The following IMPG1 variants were observed in gnomAD, a reference collection of about 807,000 sequenced individuals.
IMPG1 encodes interphotoreceptor matrix proteoglycan of 150 kDa.
Under a neutral mutation model 92.0 loss-of-function variants are expected in IMPG1, and 85 were observed. The observed-to-expected ratio is 0.92, with a 90% CI of 0.78 to 1.11. IMPG1 has a LOEUF of 1.11. Among genes scored for constraint, IMPG1 ranks in the 50% least tolerant of loss-of-function variants. The pLI is 0.00. For synonymous variants in IMPG1, 367 were observed against 334.1 expected (o/e 1.10, Z -1.08); for missense variants, 1,022 against 956.0 (o/e 1.07, Z -0.91).
chr6:75,945,006 T>C (rs997774003), intron 14 of IMPG1, among the ~76,000 whole-genome samples: 1 of 152,218 alleles, frequency 6.6e-6, no homozygotes, highest in Non-Finnish European at 1.5e-5. Context: ...AGCATAAATG[T>C]GACTCTGCTG....
At chr6:76,059,205 T>A (rs1784165746) in intron 1 of IMPG1, among the ~76,000 whole-genome samples, 1 of 151,056 alleles carries the variant, frequency 6.6e-6, no homozygotes, top group African/African-American at 2.4e-5. Flanking sequence ...GTGGAGGGAG[T>A]GATATTTTTG....
chr6:75,929,992 A>G lies in IMPG1; in HGVS notation c.2243+961T>C, dbSNP rs983605845. 4.6e-5 allele frequency among the ~76,000 whole-genome samples: 7 copies of G among 152,146 alleles called. 1 individual carries two copies. Among genetic ancestry groups the G allele is most frequent in the Admixed American group, 1.3e-4 (2 of 15,274 alleles). On this transcript the variant is annotated intron_variant, in intron 15 of 16. Coordinates refer to ENST00000369950, the MANE Select transcript of IMPG1 (RefSeq NM_001563.4). ...GTATGAGTTTGTGTTTGAAAAAAAA[A>G]TTAGGATGTTTGTCTTTATTAATAC...
At chr6:75,994,461 G>A (rs1002028959) in intron 12 of IMPG1, among the ~76,000 whole-genome samples, 1 of 152,150 alleles carries the variant, frequency 6.6e-6, no homozygotes, top group Admixed American at 6.5e-5. Flanking sequence ...GTATTAGTCT[G>A]TTCTCATACT....
At position 76,022,227 on chromosome 6, in the gene IMPG1, A is replaced by C; in HGVS notation, c.563-8T>G. The C allele has an allele frequency of 6.6e-7, 1 of 1,516,650 alleles. No homozygotes were observed. Among genetic ancestry groups the C allele is most frequent in the Non-Finnish European group, 9.1e-7 (1 of 1,100,906 alleles). 93.9% of individuals were successfully genotyped at this position (1,516,650 alleles called of 1,614,324 possible). A position where few individuals can be genotyped will look rare whatever the true frequency, so the allele number is the denominator to read the frequency against. On this transcript the variant is annotated splice_polypyrimidine_tract_variant and splice_region_variant and intron_variant, in intron 5 of 16. Coordinates refer to ENST00000369950, the MANE Select transcript of IMPG1 (RefSeq NM_001563.4). ...GTGAGACGTTGGCAACATCTGTGAAAATTTTAAAAATTAAAGACACAAAAA... is the reference window on the plus strand; with the variant it reads ...GTGAGACGTTGGCAACATCTGTGAACATTTTAAAAATTAAAGACACAAAAA...
intron 12 of IMPG1, among the ~76,000 whole-genome samples, chr6:75,998,132 G>C (rs1012629757): frequency 1.3e-5 from 2 of 152,168 alleles, no homozygotes; most frequent in African/African-American, 4.8e-5. Flanking sequence ...AGAACTGATG[G>C]CCAAATACTG....
At chr6:76,025,688 A>G (rs1338219382) in intron 4 of IMPG1, among the ~76,000 whole-genome samples, 1 of 152,186 alleles carries the variant, frequency 6.6e-6, no homozygotes, top group African/African-American at 2.4e-5. Context: ...AGCTTATCTA[A>G]TAAAGTAACT....
intron 16 of IMPG1, among the ~76,000 whole-genome samples, chr6:75,922,710 C>T (rs1781450367): frequency 6.6e-6 from 1 of 152,110 alleles, no homozygotes; most frequent in Admixed American, 6.5e-5. Context: ...ATCCTGTGTC[C>T]TATTGTCATT....
intron 14 of IMPG1, among the ~76,000 whole-genome samples, chr6:75,932,305 A>G (rs1381448789): frequency 1.3e-5 from 2 of 152,226 alleles, no homozygotes; most frequent in Non-Finnish European, 2.9e-5. Context: ...CTAATACGGC[A>G]GGTGAAGGCA....
At chr6:76,068,241 C>T (rs560957563) in intron 1 of IMPG1, among the ~76,000 whole-genome samples, 21 of 152,116 alleles carry the variant, frequency 1.4e-4, no homozygotes, top group Admixed American at 9.2e-4. Context: ...AAGAAGGAGT[C>T]GAATTATCTG....
chr6:75,962,287 T>TA (rs925387939), intron 12 of IMPG1, among the ~76,000 whole-genome samples: 16 of 151,350 alleles, frequency 1.1e-4, no homozygotes, highest in African/African-American at 3.9e-4. Flanking sequence ...ACCCAGCAAT[T>TA]AAAAAAATTT....
intron 1 of IMPG1, among the ~76,000 whole-genome samples, chr6:76,056,589 T>G (rs1226043991): frequency 6.6e-6 from 1 of 152,196 alleles, no homozygotes; most frequent in Admixed American, 6.6e-5. Flanking sequence ...CTATTTTTAA[T>G]TTTTTGAAGA....
intron 15 of IMPG1, chr6:75,928,391 G>C (rs1224819442): frequency 1.3e-5 from 2 of 152,182 alleles, no homozygotes; most frequent in Admixed American, 6.6e-5. Flanking sequence ...TAGAGACAGG[G>C]TTTCACCATG....
intron 1 of IMPG1, among the ~76,000 whole-genome samples, chr6:76,063,228 A>G (rs1399229022): frequency 5.9e-5 from 9 of 151,712 alleles, no homozygotes; most frequent in Admixed American, 2.6e-4. Context: ...AAATAAATAA[A>G]ATGAAATAAA....
chr6:75,955,243 G>C (rs1361796082), intron 12 of IMPG1, among the ~76,000 whole-genome samples: 1 of 152,172 alleles, frequency 6.6e-6, no homozygotes, highest in Non-Finnish European at 1.5e-5. Flanking sequence ...TCCTATCCAT[G>C]AGAATGGAAT....
At chr6:76,071,914 C>T (rs904443533) in intron 1 of IMPG1, among the ~76,000 whole-genome samples, 1 of 151,958 alleles carries the variant, frequency 6.6e-6, no homozygotes, top group Non-Finnish European at 1.5e-5. Context: ...CAAAAACAAC[C>T]AAATTTTGAA....
intron 12 of IMPG1, among the ~76,000 whole-genome samples, chr6:75,996,644 A>C (rs370094980): frequency 6.6e-6 from 1 of 152,204 alleles, no homozygotes; most frequent in South Asian, 2.1e-4. Context: ...ATGATGCAAC[A>C]GGGAATGACC....
intron 15 of IMPG1, among the ~76,000 whole-genome samples, chr6:75,924,671 T>A (rs375863796): frequency 0.28 from 2,740 of 9,900 alleles, 944 homozygotes; most frequent in Middle Eastern, 0.4. Flanking sequence ...TATAATAAAT[T>A]ATATATTATA....
intron 12 of IMPG1, among the ~76,000 whole-genome samples, chr6:75,982,293 T>C (rs114561788): frequency 0.066 from 9,998 of 152,022 alleles, 408 homozygotes; most frequent in South Asian, 0.11. Flanking sequence ...GAAAATGTAT[T>C]CCACTTTGGG....
intron 14 of IMPG1, among the ~76,000 whole-genome samples, chr6:75,935,785 T>C (rs1252116437): frequency 6.6e-6 from 1 of 152,208 alleles, no homozygotes; most frequent in East Asian, 1.9e-4. Context: ...TATATTCATT[T>C]TTGTGCTCAC....
Sources: gnomAD v4.1 joint callset for allele counts (sites outside exome capture counted in the v4.1 genomes callset) on GRCh38, gnomAD v4.1.1 for gene constraint, MANE v1.5 for transcripts, NCBI Gene and HGNC (gene_info 2026-07-23, HGNC 2026-07-21) for gene names.